The following OXR1 variants were observed in gnomAD, a reference collection of about 807,000 sequenced individuals.
The protein encoded by OXR1 is oxidation resistance protein 1.
A neutral mutation model predicts 104.6 loss-of-function variants in OXR1; 41 were observed. The ratio of observed to expected loss-of-function variants is 0.39; its 90% CI spans 0.31 to 0.51. The LOEUF is 0.51. Ranked by LOEUF, OXR1 falls within the 20% of genes least tolerant of loss-of-function variation. The pLI is 0.77. For synonymous variants in OXR1, 348 were observed against 348.4 expected, an observed-to-expected ratio of 1.00 and a Z score of 0.01; for missense variants, 955 against 1,031.9, an observed-to-expected ratio of 0.93 and a Z score of 1.02.
At chr8:106,436,666 A>C (rs1819585418) in intron 2 of OXR1, among the ~76,000 whole-genome samples, 1 of 152,024 alleles carries the variant, frequency 6.6e-6, no homozygotes, top group Admixed American at 6.6e-5. Flanking sequence ...AAAGGAGATA[A>C]TCTCCCTCTC....
intron 10 of OXR1, among the ~76,000 whole-genome samples, chr8:106,713,268 C>G (rs1831886754): frequency 6.6e-6 from 1 of 151,812 alleles, no homozygotes; most frequent in South Asian, 2.1e-4. Flanking sequence ...ATACATTTAT[C>G]AGGGAATGTA....
chr8:106,499,687 T>C (rs1811653392), intron 2 of OXR1, among the ~76,000 whole-genome samples: 1 of 152,236 alleles, frequency 6.6e-6, no homozygotes, highest in Admixed American at 6.5e-5. Context: ...CTTTGACTTT[T>C]GAATAACTGG....
At chr8:106,490,617 C>T (rs1482039195) in intron 2 of OXR1, among the ~76,000 whole-genome samples, 3 of 152,130 alleles carry the variant, frequency 2.0e-5, no homozygotes, top group East Asian at 1.9e-4. Context: ...CCTCCTGCCT[C>T]GGTCTCCCAA....
rs561727250 is a variant in OXR1 at position 106,649,766 on chromosome 8, G to A, written c.221-29444G>A. Among the ~76,000 whole-genome samples the A allele has an allele frequency of 3.3e-5, 5 of 151,906 alleles. 1 individual carries two copies. Among genetic ancestry groups the A allele is most frequent in the South Asian group, 4.2e-4 (2 of 4,810 alleles). On this transcript the variant is annotated intron_variant, in intron 3 of 16. Coordinates refer to ENST00000517566, the MANE Select transcript of OXR1 (RefSeq NM_001198533.2). ...GGCTGGAGTGCAGTGGCGCGGTCTC[G>A]GCTCACTGCAACCTCTGCCTCCCAG...
chr8:106,465,780 A>C (rs1033121202), intron 2 of OXR1, among the ~76,000 whole-genome samples: 1 of 152,018 alleles, frequency 6.6e-6, no homozygotes, highest in African/African-American at 2.4e-5. Flanking sequence ...TTTCTCTTAT[A>C]TCACTAGATT....
chr8:106,562,980 T>C (rs1340638105), intron 3 of OXR1, among the ~76,000 whole-genome samples: 12 of 151,966 alleles, frequency 7.9e-5, no homozygotes, highest in Admixed American at 7.9e-4. Context: ...GCACTAAATA[T>C]GGAGAGGAAA....
chr8:106,306,976 T>C (rs1404434100), intron 1 of OXR1, among the ~76,000 whole-genome samples: 4 of 152,126 alleles, frequency 2.6e-5, no homozygotes, highest in Non-Finnish European at 5.9e-5. Flanking sequence ...ATTGCCAAGA[T>C]GGAGGGAGAA....
intron 1 of OXR1, among the ~76,000 whole-genome samples, chr8:106,314,367 C>A (rs560220115): frequency 3.3e-5 from 5 of 152,298 alleles, no homozygotes; most frequent in African/African-American, 1.2e-4. Flanking sequence ...TTCTCTAATT[C>A]TATGGAGAAG....
intron 3 of OXR1, among the ~76,000 whole-genome samples, chr8:106,525,623 G>A (rs1813605116): frequency 6.6e-6 from 1 of 152,178 alleles, no homozygotes; most frequent in South Asian, 2.1e-4. Flanking sequence ...AGCCAGAAAA[G>A]CTTTCAGTTT....
At chr8:106,434,714 G>A (rs879941890) in intron 2 of OXR1, among the ~76,000 whole-genome samples, 1 of 152,092 alleles carries the variant, frequency 6.6e-6, no homozygotes, top group Non-Finnish European at 1.5e-5. Context: ...ACATTTATCT[G>A]TGCTAAGAAA....
intron 3 of OXR1, among the ~76,000 whole-genome samples, chr8:106,555,947 T>TATATATAC (rs1467087631): frequency 7.3e-5 from 3 of 41,046 alleles, no homozygotes; most frequent in East Asian, 3.1e-3. Context: ...TATATATATA[T>TATATATAC]ACACAATGGA....
intron 3 of OXR1, among the ~76,000 whole-genome samples, chr8:106,539,089 T>TTGTGGCCACTTATTTATCAGA (rs1186768861): frequency 2.6e-5 from 4 of 152,214 alleles, no homozygotes; most frequent in African/African-American, 9.6e-5. Flanking sequence ...TCATACTATC[T>TTGTGGCCACTTATTTATCAGA]TGTGGCCACT....
intron 11 of OXR1, among the ~76,000 whole-genome samples, chr8:106,722,638 T>C (rs575598694): frequency 6.6e-6 from 1 of 152,336 alleles, no homozygotes; most frequent in East Asian, 1.9e-4. Flanking sequence ...TCACCTATAG[T>C]ATTCAGTACA....
chr8:106,472,000 C>T (rs1275194683), intron 2 of OXR1, among the ~76,000 whole-genome samples: 1 of 151,758 alleles, frequency 6.6e-6, no homozygotes, highest in Admixed American at 6.6e-5. Flanking sequence ...TAAGTAATTC[C>T]ATTAGTTTTT....
intron 2 of OXR1, among the ~76,000 whole-genome samples, chr8:106,504,117 G>A (rs1811997149): frequency 6.6e-6 from 1 of 152,120 alleles, no homozygotes; most frequent in African/African-American, 2.4e-5. Flanking sequence ...ACAGATGTTG[G>A]GGAACACAAA....
At chr8:106,725,673 G>C (rs201913158) in intron 11 of OXR1, among the ~76,000 whole-genome samples, 1 of 126,718 alleles carries the variant, frequency 7.9e-6, no homozygotes, top group Non-Finnish European at 1.9e-5. Context: ...ATATTGGCTT[G>C]GTTTTTACAC....
At chr8:106,404,788 C>G (rs1386758196) in intron 2 of OXR1, among the ~76,000 whole-genome samples, 1 of 152,094 alleles carries the variant, frequency 6.6e-6, no homozygotes, top group African/African-American at 2.4e-5. Context: ...TCACTGCAAG[C>G]TCCACCTCCC....
chr8:106,330,720 A>T (rs2130223324), intron 1 of OXR1, among the ~76,000 whole-genome samples: 1 of 152,316 alleles, frequency 6.6e-6, no homozygotes, highest in East Asian at 1.9e-4. Context: ...CTGCAAGTGC[A>T]GGTCACTAAT....
chr8:106,606,989 G>C (rs1338518481), intron 3 of OXR1, among the ~76,000 whole-genome samples: 1 of 152,032 alleles, frequency 6.6e-6, no homozygotes, highest in Non-Finnish European at 1.5e-5. Context: ...AAACCAAATG[G>C]GTGTAGAGCC....
Sources: allele counts gnomAD v4.1 joint callset (sites outside exome capture counted in the v4.1 genomes callset), GRCh38; gene constraint gnomAD v4.1.1; transcripts MANE v1.5; gene names NCBI Gene and HGNC (gene_info 2026-07-23, HGNC 2026-07-21).